CRIM1: variants seen among roughly 807,000 people sequenced by gnomAD.
The protein encoded by CRIM1 is cysteine rich transmembrane BMP regulator 1, also known as cysteine-rich motor neuron 1 protein.
CRIM1 carries 32 observed loss-of-function variants against 116.4 expected under a neutral mutation model. The ratio of observed to expected loss-of-function variants is 0.27; its 90% CI spans 0.21 to 0.37. CRIM1 has a LOEUF of 0.37. CRIM1 is among the 10% of genes least tolerant of loss of function. The probability of loss-of-function intolerance (pLI) is 1.00; values close to 1 mark genes in which losing one functional copy is unlikely to be tolerated. For missense variants in CRIM1, 1,331 were observed against 1,354.8 expected (o/e 0.98, Z 0.28); for synonymous variants, 590 against 509.2 (o/e 1.16, Z -2.13).
At chr2:36,370,064 A>G (rs1669848620) in intron 1 of CRIM1, among the ~76,000 whole-genome samples, 1 of 152,208 alleles carries the variant, frequency 6.6e-6, no homozygotes, top group Non-Finnish European at 1.5e-5. Flanking sequence ...ACATTGTTTT[A>G]CTTACTGCAT....
rs1667743599 is a variant in CRIM1 at position 36,551,098 on chromosome 2, G to A, written c.*2397G>A. The stretch of plus-strand genomic sequence containing the variant: ...GCTGTAAGAGAATTATCTGCAACTT[G>A]ATTCTTGGCAGGAAATAAACATTTT... On this transcript the variant is annotated 3_prime_UTR_variant, in exon 17 of 17. Coordinates refer to ENST00000280527, the MANE Select transcript of CRIM1 (RefSeq NM_016441.3). 6.6e-6 allele frequency: 1 copy of A among 152,590 alleles called. No individual in the cohort carries two copies. The highest frequency in any genetic ancestry group is 6.5e-5 in the Admixed American group (1 of 15,280). 9.5% of individuals were successfully genotyped at this position (152,590 alleles called of 1,614,324 possible).
At chr2:36,409,350 C>T (rs1283119938) in intron 2 of CRIM1, among the ~76,000 whole-genome samples, 2 of 152,106 alleles carry the variant, frequency 1.3e-5, no homozygotes, top group Admixed American at 6.5e-5. Flanking sequence ...ATTGGTTGTA[C>T]CCTAGAGTGT....
chr2:36,438,401 T>G (rs926655379), intron 2 of CRIM1, among the ~76,000 whole-genome samples: 1 of 152,226 alleles, frequency 6.6e-6, no homozygotes, highest in Non-Finnish European at 1.5e-5. Context: ...GTCTACCAAA[T>G]GCAGTTTACA....
chr2:36,363,317 A>G (rs774065988), intron 1 of CRIM1, among the ~76,000 whole-genome samples: 21 of 152,138 alleles, frequency 1.4e-4, no homozygotes, highest in Non-Finnish European at 8.8e-5. Flanking sequence ...ATAAGGACTC[A>G]GTGCATCCCT....
At chr2:36,527,888 G>A (rs1665861917) in intron 13 of CRIM1, among the ~76,000 whole-genome samples, 1 of 151,674 alleles carries the variant, frequency 6.6e-6, no homozygotes. Flanking sequence ...AAAAGCTTCT[G>A]CACATTGGAA....
At chr2:36,386,225 C>T (rs1033335463) in intron 1 of CRIM1, among the ~76,000 whole-genome samples, 5 of 152,130 alleles carry the variant, frequency 3.3e-5, no homozygotes, top group Non-Finnish European at 1.5e-5. Context: ...GAAGCATTAA[C>T]GTGTGTCACA....
At chr2:36,419,724 A>G (rs1673909081) in intron 2 of CRIM1, among the ~76,000 whole-genome samples, 2 of 152,224 alleles carry the variant, frequency 1.3e-5, no homozygotes, top group African/African-American at 2.4e-5. Context: ...CCTGGAGCCA[A>G]TTATGATCTC....
chr2:36,464,472 T>C (rs1471555236), intron 4 of CRIM1, 62 bp from the exon 5 acceptor site: 3 of 1,594,324 alleles, frequency 1.9e-6, no homozygotes, highest in Non-Finnish European at 2.6e-6. Context: ...TTGTTTGTGG[T>C]CTCCCGACTT....
intron 2 of CRIM1, among the ~76,000 whole-genome samples, chr2:36,411,669 T>A (rs952301624): frequency 2.0e-5 from 3 of 151,744 alleles, no homozygotes; most frequent in Non-Finnish European, 4.4e-5. Flanking sequence ...TCTTTGTGTG[T>A]GTGTGTGTGT....
intron 3 of CRIM1, among the ~76,000 whole-genome samples, chr2:36,442,126 T>C (rs1201399249): frequency 6.6e-6 from 1 of 152,244 alleles, no homozygotes; most frequent in Non-Finnish European, 1.5e-5. Flanking sequence ...ACATCCTTGC[T>C]CTTGTGGCAG....
At chr2:36,428,836 G>A (rs145874686) in intron 2 of CRIM1, among the ~76,000 whole-genome samples, 1 of 152,184 alleles carries the variant, frequency 6.6e-6, no homozygotes, top group East Asian at 1.9e-4. Context: ...GTTTCTAATT[G>A]TCCCCATATA....
At chr2:36,513,805 G>T in intron 11 of CRIM1, 40 bp downstream of exon 11, 2 of 1,577,794 alleles carry the variant, frequency 1.3e-6, no homozygotes, top group South Asian at 1.1e-5. Flanking sequence ...ATAAGCAAAT[G>T]ACTTCTGCCT....
At chr2:36,415,507 C>G (rs1407871702) in intron 2 of CRIM1, among the ~76,000 whole-genome samples, 3 of 152,092 alleles carry the variant, frequency 2.0e-5, no homozygotes, top group Non-Finnish European at 2.9e-5. Context: ...TGTTTCTTCC[C>G]CAGGGATGTC....
At chr2:36,435,919 G>A (rs890878659) in intron 2 of CRIM1, among the ~76,000 whole-genome samples, 5 of 78,752 alleles carry the variant, frequency 6.3e-5, no homozygotes, top group Non-Finnish European at 8.8e-5. Context: ...TCTATATCTG[G>A]GCAGGCTTTT....
At chr2:36,447,824 G>A (rs903739555) in intron 4 of CRIM1, among the ~76,000 whole-genome samples, 2 of 152,126 alleles carry the variant, frequency 1.3e-5, no homozygotes, top group Admixed American at 6.5e-5. Context: ...CTGATTGCAG[G>A]AATTTGGTGG....
chr2:36,504,159 G>A (rs1243512454), intron 8 of CRIM1, among the ~76,000 whole-genome samples: 1 of 152,090 alleles, frequency 6.6e-6, no homozygotes, highest in Non-Finnish European at 1.5e-5. Flanking sequence ...CAGGTGTGAG[G>A]CACCGTACCT....
intron 1 of CRIM1, among the ~76,000 whole-genome samples, chr2:36,390,953 GC>G (rs1450548605): frequency 5.9e-5 from 9 of 151,618 alleles, no homozygotes; most frequent in Admixed American, 5.9e-4. Flanking sequence ...GGGATTACAG[GC>G]ATGCGCCACC....
chr2:36,423,845 C>T (rs1200966222), intron 2 of CRIM1, among the ~76,000 whole-genome samples: 1 of 152,134 alleles, frequency 6.6e-6, no homozygotes, highest in Non-Finnish European at 1.5e-5. Context: ...TTAGTTAATA[C>T]CTCTCAACAA....
chr2:36,358,047 G>T (rs906606356), intron 1 of CRIM1, among the ~76,000 whole-genome samples: 2 of 152,180 alleles, frequency 1.3e-5, no homozygotes, highest in Admixed American at 1.3e-4. Context: ...TGGTTTGGAA[G>T]CTAGTGGGCA....
Sources: allele counts gnomAD v4.1 joint callset (sites outside exome capture counted in the v4.1 genomes callset), GRCh38; gene constraint gnomAD v4.1.1; transcripts MANE v1.5; gene names NCBI Gene and HGNC (gene_info 2026-07-23, HGNC 2026-07-21).